MATN2: variants seen among roughly 807,000 people sequenced by gnomAD.
MATN2 encodes matrilin 2.
In MATN2, 69 loss-of-function variants were observed where a neutral mutation model predicts 103.2. The observed-to-expected ratio is 0.67, with a 90% CI of 0.55 to 0.82. MATN2 has a LOEUF of 0.82. MATN2 is among the 40% of genes least tolerant of loss of function. The pLI is 0.00. For missense variants in MATN2, 1,023 were observed against 1,211.5 expected, an observed-to-expected ratio of 0.84 and a Z score of 2.31; for synonymous variants, 429 against 450.2, an observed-to-expected ratio of 0.95 and a Z score of 0.60.
chr8:97,904,122 G>C (rs1269693734), intron 2 of MATN2, among the ~76,000 whole-genome samples: 1 of 152,052 alleles, frequency 6.6e-6, no homozygotes, highest in Non-Finnish European at 1.5e-5. Context: ...CTCTGGTTTT[G>C]GTATCAAAGT....
At chr8:97,899,631 T>A (rs1818919756) in intron 2 of MATN2, among the ~76,000 whole-genome samples, 1 of 152,198 alleles carries the variant, frequency 6.6e-6, no homozygotes, top group Non-Finnish European at 1.5e-5. Flanking sequence ...ACCAGTCACA[T>A]TGAATTAGGC....
intron 2 of MATN2, among the ~76,000 whole-genome samples, chr8:97,894,882 T>C (rs1818756713): frequency 6.6e-6 from 1 of 150,420 alleles, no homozygotes; most frequent in African/African-American, 2.4e-5. Context: ...AACCCCCCCT[T>C]TTTTTTTTGA....
intron 7 of MATN2, among the ~76,000 whole-genome samples, chr8:98,001,833 A>C (rs1379146721): frequency 6.6e-6 from 1 of 152,076 alleles, no homozygotes; most frequent in African/African-American, 2.4e-5. Flanking sequence ...TAAGCTTCTT[A>C]TGTTTCATTG....
At chr8:97,981,536 G>A (rs1812022190) in intron 6 of MATN2, among the ~76,000 whole-genome samples, 1 of 152,046 alleles carries the variant, frequency 6.6e-6, no homozygotes, top group South Asian at 2.1e-4. Flanking sequence ...GCCACACTGA[G>A]TAGCTGAGTC....
At chr8:97,871,043 G>A (rs1296634373) in intron 1 of MATN2, among the ~76,000 whole-genome samples, 2 of 152,218 alleles carry the variant, frequency 1.3e-5, no homozygotes, top group Non-Finnish European at 2.9e-5. Context: ...GGGCCACCAA[G>A]GCCTAAGCTT....
chr8:97,988,152 C>CAAAAAAAAAAA (rs869146483), intron 6 of MATN2, among the ~76,000 whole-genome samples: 2 of 65,866 alleles, frequency 3.0e-5, no homozygotes, highest in African/African-American at 1.6e-4. Context: ...CCATCTCCAC[C>CAAAAAAAAAAA]AAAAAAAAAA....
chr8:98,015,949 T>C (rs1328841059), intron 10 of MATN2, among the ~76,000 whole-genome samples: 3 of 152,302 alleles, frequency 2.0e-5, no homozygotes, highest in East Asian at 1.9e-4. Context: ...TAAGTAGATA[T>C]GTAAATAAGT....
rs138208695 is a variant in MATN2, at chr8:97,907,913, G to T, written c.142+19671G>T. On this transcript the variant is annotated intron_variant, in intron 2 of 18. Transcript: ENST00000254898. Reference sequence around the variant, plus strand: ...AGCACTTTGGGAGGCTGAGGCAGGTGGATAACCTGAGGCGAGGAGTTTGAG... The same window carrying T: ...AGCACTTTGGGAGGCTGAGGCAGGTTGATAACCTGAGGCGAGGAGTTTGAG... Among the ~76,000 whole-genome samples, 1,029 of 152,188 alleles carry T rather than the reference G, an allele frequency of 6.8e-3. 3 individuals are homozygous for T. Among genetic ancestry groups the T allele is most frequent in the African/African-American group, 0.023 (943 of 41,520 alleles).
At chr8:98,020,961 G>A in intron 12 of MATN2, 1 of 349,002 alleles carries the variant, frequency 2.9e-6, no homozygotes, top group South Asian at 3.6e-5. Flanking sequence ...TCTAATAATA[G>A]GATAGTAAGT....
At chr8:97,877,093 C>T (rs935791727) in intron 1 of MATN2, among the ~76,000 whole-genome samples, 1 of 151,518 alleles carries the variant, frequency 6.6e-6, no homozygotes, top group Middle Eastern at 3.4e-3. Context: ...GCAGCCTCAA[C>T]CTCCTGGTGC....
intron 2 of MATN2, among the ~76,000 whole-genome samples, chr8:97,924,485 G>T (rs1043869955): frequency 4.6e-5 from 7 of 152,086 alleles, no homozygotes; most frequent in African/African-American, 1.7e-4. Flanking sequence ...CAATTTTCCT[G>T]GGTATTTGAC....
chr8:97,888,232 G>A lies in MATN2; in HGVS notation c.132G>A (p.Thr44=), dbSNP rs775483490. The change falls in exon 2 of 19, where the codon ACG becomes ACA. Residue 44 remains threonine, a synonymous_variant. Transcript: ENST00000254898. The part of the protein sequence containing the change: ...RGRHARTHPQ[T]ALLESSCENK... ...GACACGCTCGGACCCACCCGCAGACGGCCCTTCTGGGTGAGTGGTGGTGCT... is the reference window on the plus strand; with the variant it reads ...GACACGCTCGGACCCACCCGCAGACAGCCCTTCTGGGTGAGTGGTGGTGCT... 8.3e-6 allele frequency: 13 copies of A among 1,557,960 alleles called. No individual in the cohort carries two copies. Among genetic ancestry groups the A allele is most frequent in the Admixed American group, 3.8e-5 (2 of 52,072 alleles).
rs183367037 is a variant in MATN2, at chr8:97,888,495, G to C, written c.142+253G>C. 6.3e-3 allele frequency among the ~76,000 whole-genome samples: 953 copies of C among 152,214 alleles called. 6 individuals are homozygous for C. The highest frequency in any genetic ancestry group is 9.0e-3 in the Non-Finnish European group (610 of 68,002). ...CTTATGGCTTTTCTCCAATATTCAG[G>C]GCAAGATTTCTCATCTGAAAATGTC... is the stretch of plus-strand genomic sequence containing the variant. On this transcript the variant is annotated intron_variant, in intron 2 of 18. Transcript: ENST00000254898.
intron 10 of MATN2, among the ~76,000 whole-genome samples, chr8:98,014,656 A>G (rs534617996): frequency 1.3e-5 from 2 of 152,280 alleles, no homozygotes; most frequent in Non-Finnish European, 2.9e-5. Context: ...TAAGATTACA[A>G]TTTTTGTCTG....
At position 97,880,208 on chromosome 8, in the gene MATN2, C is replaced by T. The variant is rs182316890; in HGVS notation, c.-26-7867C>T. ...AAATGATTCTCCTGCCTCAGCCTCCCGAGTAGCTGGAATTACAGGTGTGCA... is the reference window on the plus strand; with the variant it reads ...AAATGATTCTCCTGCCTCAGCCTCCTGAGTAGCTGGAATTACAGGTGTGCA... On this transcript the variant is annotated intron_variant, in intron 1 of 18. Coordinates refer to ENST00000254898, the MANE Select transcript of MATN2 (RefSeq NM_002380.5). Among the ~76,000 whole-genome samples the T allele has an allele frequency of 1.8e-3, 277 of 151,866 alleles. 1 individual carries two copies. Among genetic ancestry groups the T allele is most frequent in the African/African-American group, 6.4e-3 (263 of 41,388 alleles).
rs1186024165 is a variant in MATN2, at chr8:97,941,161, CAAAAAAA to C, written c.713-598_713-592del. Among the ~76,000 whole-genome samples the C allele has an allele frequency of 2.9e-4, 23 of 77,982 alleles. No individual in the cohort carries two copies. The South Asian group carries it at 3.6e-3, about 12-fold the overall frequency. 51.2% of individuals were successfully genotyped at this position (77,982 alleles called of 152,430 possible). On this transcript the variant is annotated intron_variant, in intron 3 of 18. Coordinates refer to ENST00000254898, the MANE Select transcript of MATN2 (RefSeq NM_002380.5). ...TGGAAGACAGAGCAAGACCTTGTCT[CAAAAAAA>C]AAAAAAAAAAAAAAAAAGAAAGAAA...
Position 98,027,537 on chromosome 8 carries a change from C to T in MATN2, c.2064C>T (p.Ser688=), listed in dbSNP as rs1813853293. 6.2e-7 allele frequency: 1 copy of T among 1,613,780 alleles called. No individual in the cohort carries two copies. The highest frequency in any genetic ancestry group is 1.3e-5 in the African/African-American group (1 of 74,898). Residue 688 remains serine, a synonymous_variant, in exon 14 of 19, where the codon TCC becomes TCT. Transcript: ENST00000254898. ...GAATTATAGATTCCTTGACAATTTC[C>T]CCCAAAGCCGCTCGAGTGGGGCTGC... ...VTGIIDSLTI[S]PKAARVGLLQ...
At chr8:97,966,889 C>T (rs192082989) in intron 5 of MATN2, among the ~76,000 whole-genome samples, 2 of 152,166 alleles carry the variant, frequency 1.3e-5, no homozygotes, top group East Asian at 1.9e-4. Flanking sequence ...AAAGGAATAC[C>T]TGAGATTAGC....
chr8:97,956,005 G>T (rs924158806), intron 4 of MATN2, among the ~76,000 whole-genome samples: 1 of 152,198 alleles, frequency 6.6e-6, no homozygotes, highest in African/African-American at 2.4e-5. Context: ...GCCCATGAGG[G>T]TTCTTGGCTT....
Sources: allele counts gnomAD v4.1 joint callset (sites outside exome capture counted in the v4.1 genomes callset), GRCh38; gene constraint gnomAD v4.1.1; transcripts MANE v1.5; gene names NCBI Gene and HGNC (gene_info 2026-07-23, HGNC 2026-07-21).